PCDH15: variants seen among roughly 807,000 people sequenced by gnomAD.
PCDH15 encodes protocadherin-15.
A neutral mutation model predicts 178.5 loss-of-function variants in PCDH15; 129 were observed. The observed-to-expected ratio is 0.72, with a 90% CI of 0.63 to 0.84. PCDH15 has a LOEUF of 0.84. Ranked by LOEUF, PCDH15 falls within the 40% of genes least tolerant of loss-of-function variation. The probability of loss-of-function intolerance (pLI) is 0.00; values close to 1 mark genes in which losing one functional copy is unlikely to be tolerated. For missense variants in PCDH15, 2,230 were observed against 2,099.9 expected (o/e 1.06, Z -1.21); for synonymous variants, 800 against 732.0 (o/e 1.09, Z -1.50).
At chr10:54,540,231 G>A (rs960116698) in intron 2 of PCDH15, among the ~76,000 whole-genome samples, 7 of 152,066 alleles carry the variant, frequency 4.6e-5, no homozygotes, top group African/African-American at 1.2e-4. Flanking sequence ...TTGAAAGGAC[G>A]AATAAGATCT....
chr10:53,872,356 T>C (rs947694255), intron 26 of PCDH15, among the ~76,000 whole-genome samples: 1 of 152,226 alleles, frequency 6.6e-6, no homozygotes, highest in Non-Finnish European at 1.5e-5. Context: ...AATTTATATA[T>C]TAAACTTTCA....
intron 2 of PCDH15, among the ~76,000 whole-genome samples, chr10:54,603,813 TTCTC>T (rs1261775654): frequency 6.6e-6 from 1 of 152,100 alleles, no homozygotes; most frequent in African/African-American, 2.4e-5. Flanking sequence ...CAATTTCACA[TTCTC>T]TCTTCTTCCA....
At chr10:55,164,732 G>T (rs1839153500) in intron 2 of PCDH15, among the ~76,000 whole-genome samples, 1 of 152,026 alleles carries the variant, frequency 6.6e-6, no homozygotes, top group Non-Finnish European at 1.5e-5. Context: ...AAAAACTAAA[G>T]ATGTCTTATG....
chr10:54,274,596 C>T (rs1003784341), intron 8 of PCDH15, among the ~76,000 whole-genome samples: 52 of 143,406 alleles, frequency 3.6e-4, no homozygotes, highest in African/African-American at 9.5e-4. Flanking sequence ...GCCTTTGATT[C>T]GAAACAAAAC....
intron 2 of PCDH15, among the ~76,000 whole-genome samples, chr10:54,645,768 G>T (rs1467363430): frequency 1.3e-5 from 2 of 152,024 alleles, no homozygotes; most frequent in Non-Finnish European, 1.5e-5. Context: ...TAATGATGAA[G>T]AAACATTAAA....
At chr10:54,427,048 C>G (rs1209110795) in intron 3 of PCDH15, among the ~76,000 whole-genome samples, 1 of 151,640 alleles carries the variant, frequency 6.6e-6, no homozygotes, top group African/African-American at 2.4e-5. Context: ...ATAACCATAT[C>G]AAGATAAGGT....
At chr10:54,915,215 T>C (rs1369580135) in intron 2 of PCDH15, among the ~76,000 whole-genome samples, 1 of 152,226 alleles carries the variant, frequency 6.6e-6, no homozygotes, top group African/African-American at 2.4e-5. Flanking sequence ...ACTTTGTGTC[T>C]AAGATCTGAT....
At chr10:54,050,566 C>A (rs556831345) in intron 18 of PCDH15, among the ~76,000 whole-genome samples, 1 of 149,576 alleles carries the variant, frequency 6.7e-6, no homozygotes, top group South Asian at 2.1e-4. Flanking sequence ...TAATTCAGTT[C>A]TTTCTGATTC....
chr10:54,906,768 A>T (rs1346690151), intron 2 of PCDH15, among the ~76,000 whole-genome samples: 2 of 152,144 alleles, frequency 1.3e-5, no homozygotes, highest in African/African-American at 4.8e-5. Context: ...GGAATCCATG[A>T]CTGTATGTTG....
intron 2 of PCDH15, among the ~76,000 whole-genome samples, chr10:55,135,791 C>T (rs1323070040): frequency 6.6e-6 from 1 of 151,700 alleles, no homozygotes; most frequent in Non-Finnish European, 1.5e-5. Context: ...ACCATGTTGG[C>T]CAGGCTGGTC....
At chr10:54,782,535 C>A (rs576516841) in intron 1 of PCDH15, among the ~76,000 whole-genome samples, 1 of 152,068 alleles carries the variant, frequency 6.6e-6, no homozygotes, top group Non-Finnish European at 1.5e-5. Flanking sequence ...ACAGAAGAAT[C>A]CATTAACTTT....
chr10:53,819,566 G>A (rs570511366), intron 33 of PCDH15, among the ~76,000 whole-genome samples: 2 of 152,010 alleles, frequency 1.3e-5, no homozygotes, highest in Non-Finnish European at 2.9e-5. Context: ...TTTATATCAT[G>A]TATATGTATC....
At chr10:54,428,323 G>C (rs1475400071) in intron 3 of PCDH15, among the ~76,000 whole-genome samples, 1 of 152,192 alleles carries the variant, frequency 6.6e-6, no homozygotes, top group African/African-American at 2.4e-5. Flanking sequence ...TGCCCAGTAG[G>C]ACTGGCTGAA....
At chr10:55,364,020 T>C (rs1035282673) in intron 2 of PCDH15, among the ~76,000 whole-genome samples, 9 of 152,102 alleles carry the variant, frequency 5.9e-5, no homozygotes, top group African/African-American at 1.9e-4. Flanking sequence ...GTGGAGGTAA[T>C]TGAAACATGG....
chr10:55,126,295 G>C (rs1410829260), intron 2 of PCDH15, among the ~76,000 whole-genome samples: 1 of 152,078 alleles, frequency 6.6e-6, no homozygotes, highest in Admixed American at 6.6e-5. Context: ...AGGTGGGGAT[G>C]ATGAATAACC....
chr10:54,263,740 G>T (rs2057486120), intron 8 of PCDH15, among the ~76,000 whole-genome samples: 1 of 114,032 alleles, frequency 8.8e-6, no homozygotes, highest in African/African-American at 3.3e-5. Context: ...AAATATAAAA[G>T]CCCTGTGATG....
chr10:53,990,527 C>CTA (rs368096118), intron 21 of PCDH15, among the ~76,000 whole-genome samples: 151 of 84,860 alleles, frequency 1.8e-3, no homozygotes, highest in South Asian at 3.2e-3. Context: ...TATATATGTT[C>CTA]TATATATGTT....
intron 20 of PCDH15, among the ~76,000 whole-genome samples, chr10:54,004,039 T>C (rs971035431): frequency 1.3e-5 from 2 of 152,076 alleles, no homozygotes; most frequent in Non-Finnish European, 2.9e-5. Flanking sequence ...AGAAAAACCA[T>C]ATGATCATTT....
At chr10:55,580,870 T>C (rs908481031) in intron 2 of PCDH15, among the ~76,000 whole-genome samples, 4 of 152,198 alleles carry the variant, frequency 2.6e-5, no homozygotes, top group Non-Finnish European at 4.4e-5. Context: ...TGATTTAGTA[T>C]AGGCCATACA....
Sources: gnomAD v4.1 joint callset for allele counts (sites outside exome capture counted in the v4.1 genomes callset) on GRCh38, gnomAD v4.1.1 for gene constraint, MANE v1.5 for transcripts, NCBI Gene and HGNC (gene_info 2026-07-23, HGNC 2026-07-21) for gene names.